SLC5A12: variants seen among roughly 807,000 people sequenced by gnomAD.
SLC5A12 encodes solute carrier family 5 member 12.
A neutral mutation model predicts 72.7 loss-of-function variants in SLC5A12; 46 were observed. That is an observed-to-expected ratio of 0.63 (90% CI 0.50 to 0.81). The LOEUF (loss-of-function observed/expected upper bound fraction) is 0.81, where lower values mean the gene tolerates loss of function less well. Among genes scored for constraint, SLC5A12 ranks in the 30% least tolerant of loss-of-function variants. SLC5A12 has a pLI of 0.00. For synonymous variants in SLC5A12, 275 were observed against 264.4 expected (o/e 1.04, Z -0.39); for missense variants, 683 against 740.7 (o/e 0.92, Z 0.90).
rs371541883 is a variant in SLC5A12 at position 26,673,417 on chromosome 11, G to C, written c.1692C>G (p.Asp564Glu). 1 of 1,601,942 alleles carries C rather than the reference G, an allele frequency of 6.2e-7. No individual in the cohort carries two copies. Among genetic ancestry groups the C allele is most frequent in the African/African-American group, 1.3e-5 (1 of 74,160 alleles). The change falls in exon 14 of 15, where the codon GAC (aspartate) becomes GAG (glutamate). Residue 564 changes from aspartate to glutamate, a missense_variant. Physicochemically the swap from Asp to Glu is conservative, Grantham distance 45. Transcript: ENST00000396005. ...KTLCWCGVQH[D>E]SGTEQENLEN... ...ATCAGCTCACCTGCTCTGTCCCACTGTCATGCTGAACTCCACACCAGCATA... is the reference window on the plus strand; with the variant it reads ...ATCAGCTCACCTGCTCTGTCCCACTCTCATGCTGAACTCCACACCAGCATA...
rs1275822876 is a variant in SLC5A12 at position 26,670,023 on chromosome 11, A to C, written c.*1079T>G. Reference sequence around the variant, plus strand: ...TCTTTCACTGCTCCTTCATTTGTCAACTCGCCTTTTAATCTGCAATACCCT... The same window carrying C: ...TCTTTCACTGCTCCTTCATTTGTCACCTCGCCTTTTAATCTGCAATACCCT... On this transcript the variant is annotated 3_prime_UTR_variant, in exon 15 of 15. Coordinates refer to ENST00000396005, the MANE Select transcript of SLC5A12 (RefSeq NM_178498.4). The C allele has an allele frequency of 6.6e-6, 1 of 151,924 alleles. No individual in the cohort carries two copies. The highest frequency in any genetic ancestry group is 2.1e-4 in the South Asian group (1 of 4,832). The allele number at this position is 151,924 out of a possible 1,614,324, so 9.4% of individuals were successfully genotyped here.
intron 4 of SLC5A12, among the ~76,000 whole-genome samples, chr11:26,708,316 G>T (rs1855138200): frequency 6.6e-6 from 1 of 152,020 alleles, no homozygotes; most frequent in Middle Eastern, 3.4e-3. Flanking sequence ...AGGAGCAAGA[G>T]TCTATTCTTT....
intron 13 of SLC5A12, among the ~76,000 whole-genome samples, chr11:26,674,937 T>C (rs993800918): frequency 9.9e-5 from 15 of 152,180 alleles, no homozygotes; most frequent in African/African-American, 3.4e-4. Flanking sequence ...AATGGTGAAC[T>C]TTTCTAGAAG....
At chr11:26,716,979 T>C (rs1273352264) in intron 1 of SLC5A12, among the ~76,000 whole-genome samples, 2 of 152,144 alleles carry the variant, frequency 1.3e-5, no homozygotes, top group Non-Finnish European at 2.9e-5. Flanking sequence ...ATCCCTATGA[T>C]GACCTAAAAG....
At position 26,697,183 on chromosome 11, in the gene SLC5A12, C is replaced by T. The variant is rs374088626; in HGVS notation, c.1021G>A (p.Ala341Thr). 15 of 1,613,516 alleles carry T rather than the reference C, an allele frequency of 9.3e-6. No individual in the cohort carries two copies. Among genetic ancestry groups the T allele is most frequent in the Non-Finnish European group, 1.2e-5 (14 of 1,179,836 alleles). ...ACTAACCTCAGAGTTCCACTGAAGG[C>T]ACAAGCCACAAAAAGTCCTGGCAGT... ...PGLPGLFVAC[A>T]FSGTLSTVAS... The change falls in exon 8 of 15, where the codon GCC (alanine) becomes ACC (threonine). Residue 341 changes from alanine (A) to threonine (T), a missense_variant. By Grantham distance (58) the Ala-to-Thr change is moderately conservative (BLOSUM62 0). Transcript: ENST00000396005.
intron 1 of SLC5A12, 28 bp from the exon 2 acceptor site, chr11:26,712,734 T>G: frequency 1.3e-6 from 2 of 1,546,534 alleles, no homozygotes; most frequent in Non-Finnish European, 1.8e-6. Context: ...ACATGCAGAG[T>G]CAGTGAGGTT....
In SLC5A12 at chr11:26,669,445, T is replaced by A. The variant is rs1854088834; in HGVS notation, c.*1657A>T. ...ATGTTTCCAAAAATTCTGCTCCTTC[T>A]CATTTTCAGATATTTCTCCAAATGT... On this transcript the variant is annotated 3_prime_UTR_variant, in exon 15 of 15. Transcript: ENST00000396005. 1 of 151,896 alleles carries A rather than the reference T, an allele frequency of 6.6e-6. No homozygotes were observed. Among genetic ancestry groups the A allele is most frequent in the South Asian group, 2.1e-4 (1 of 4,828 alleles). The allele number at this position is 151,896 out of a possible 1,614,324, so 9.4% of individuals were successfully genotyped here.
At chr11:26,684,879 G>A (rs554384795) in intron 10 of SLC5A12, among the ~76,000 whole-genome samples, 6 of 152,134 alleles carry the variant, frequency 3.9e-5, no homozygotes, top group Admixed American at 1.3e-4. Context: ...GAAGCAACTT[G>A]GAAATATAGG....
At chr11:26,677,972 C>A (rs958106155) in intron 13 of SLC5A12, among the ~76,000 whole-genome samples, 2 of 152,160 alleles carry the variant, frequency 1.3e-5, no homozygotes, top group African/African-American at 2.4e-5. Flanking sequence ...CCACTACCAA[C>A]CCCTCATGGG....
chr11:26,712,558 C>T (rs1855254446), intron 2 of SLC5A12, 83 bp downstream of exon 2: 2 of 968,196 alleles, frequency 2.1e-6, no homozygotes, highest in South Asian at 4.8e-5. Context: ...TGTCCTTTAG[C>T]TGAGTTTATT....
rs367666080 is a variant in SLC5A12 at position 26,711,312 on chromosome 11, T to C, written c.452A>G (p.Asn151Ser). The change falls in exon 3 of 15, where the codon AAT becomes AGT. Residue 151 changes from asparagine (N) to serine (S), a missense_variant. Transcript: ENST00000396005. Reference sequence around the variant, plus strand: ...AGAGAATGCTGATAACTCACCTTGATTGAGTGCCAGGGCAGGAGCATACAC... The same window carrying C: ...AGAGAATGCTGATAACTCACCTTGACTGAGTGCCAGGGCAGGAGCATACAC... ...VVVYAPALAL[N>S]QVTGFDLWGS... 9.3e-6 allele frequency: 15 copies of C among 1,611,662 alleles called. No homozygotes were observed. The highest frequency in any genetic ancestry group is 8.0e-5 in the African/African-American group (6 of 74,946).
intron 9 of SLC5A12, 37 bp from the exon 10 acceptor site, chr11:26,686,581 G>A (rs1188670725): frequency 2.5e-6 from 4 of 1,596,626 alleles, no homozygotes; most frequent in Admixed American, 3.3e-5. Flanking sequence ...AATTTCCTGA[G>A]GGATTCCTGA....
intron 10 of SLC5A12, among the ~76,000 whole-genome samples, chr11:26,684,456 A>C (rs1854482221): frequency 6.6e-6 from 1 of 152,156 alleles, no homozygotes; most frequent in East Asian, 1.9e-4. Flanking sequence ...TAAGTTAGTA[A>C]AGGTAATTTT....
intron 10 of SLC5A12, among the ~76,000 whole-genome samples, chr11:26,685,347 C>T (rs187998456): frequency 3.3e-5 from 5 of 152,220 alleles, no homozygotes; most frequent in Non-Finnish European, 5.9e-5. Flanking sequence ...AAAGGCCAGG[C>T]GTAGTGGCTC....
chr11:26,719,716 G>A (rs936502508), intron 1 of SLC5A12, among the ~76,000 whole-genome samples: 2 of 152,088 alleles, frequency 1.3e-5, no homozygotes, highest in Non-Finnish European at 2.9e-5. Flanking sequence ...CCATTTAGAC[G>A]TCTTATTTTA....
intron 13 of SLC5A12, among the ~76,000 whole-genome samples, chr11:26,674,353 T>G (rs1854215407): frequency 6.8e-6 from 1 of 147,428 alleles, no homozygotes; most frequent in Admixed American, 6.9e-5. Flanking sequence ...TCCACAAACT[T>G]TTTCTCAAAC....
intron 13 of SLC5A12, 149 bp downstream of exon 13, chr11:26,678,563 A>T (rs1263574241): frequency 1.7e-6 from 1 of 594,274 alleles, no homozygotes; most frequent in African/African-American, 1.9e-5. Flanking sequence ...GTGCCTTTGT[A>T]TGTCAGCGTT....
intron 10 of SLC5A12, among the ~76,000 whole-genome samples, chr11:26,685,402 T>C (rs542691545): frequency 6.6e-6 from 1 of 152,066 alleles, no homozygotes; most frequent in South Asian, 2.1e-4. Flanking sequence ...GGTGGATCTC[T>C]TGAGGTCAGA....
At position 26,669,199 on chromosome 11, in the gene SLC5A12, C is replaced by CTTTTT. The variant is rs749639809; in HGVS notation, c.*1902_*1903insAAAAA. 1.5e-5 allele frequency: 2 copies of CTTTTT among 133,256 alleles called. No individual in the cohort carries two copies. The highest frequency in any genetic ancestry group is 2.9e-5 in the African/African-American group (1 of 34,030). 8.3% of individuals were successfully genotyped at this position (133,256 alleles called of 1,614,324 possible). On this transcript the variant is annotated 3_prime_UTR_variant, in exon 15 of 15. Transcript: ENST00000396005. ...TCTTTCTTTCTTCTTTTCTTTCTTT[C>CTTTTT]TTTCTTTCTTTCTTTCTTTCTCTCT...
Sources: allele counts gnomAD v4.1 joint callset (sites outside exome capture counted in the v4.1 genomes callset), GRCh38; gene constraint gnomAD v4.1.1; transcripts MANE v1.5; gene names NCBI Gene and HGNC (gene_info 2026-07-23, HGNC 2026-07-21).